ANKRD12: variants seen among roughly 807,000 people sequenced by gnomAD.
ANKRD12 encodes the protein ankyrin repeat domain 12.
Under a neutral mutation model 183.4 loss-of-function variants are expected in ANKRD12, and 85 were observed. The observed-to-expected ratio is 0.46, with a 90% CI of 0.39 to 0.56. The LOEUF (loss-of-function observed/expected upper bound fraction) is 0.56. Among genes scored for constraint, ANKRD12 ranks in the 20% least tolerant of loss-of-function variants. The pLI, the probability that ANKRD12 is intolerant of heterozygous loss-of-function variation, is 0.00. For missense variants in ANKRD12, 2,405 were observed against 2,357.1 expected (o/e 1.02, Z -0.42); for synonymous variants, 914 against 800.2 (o/e 1.14, Z -2.40).
intron 1 of ANKRD12, among the ~76,000 whole-genome samples, chr18:9,139,832 T>G (rs935014109): frequency 1.3e-5 from 2 of 152,236 alleles, no homozygotes; most frequent in African/African-American, 4.8e-5. Flanking sequence ...TTCATTTCCT[T>G]TATTTTTACA....
In ANKRD12 at chr18:9,192,394, C is replaced by G. The variant is rs1016708360; in HGVS notation, c.88-3157C>G. Among the ~76,000 whole-genome samples, 17 of 152,122 alleles carry G rather than the reference C, an allele frequency of 1.1e-4. No individual in the cohort carries two copies. In the East Asian group the frequency reaches 3.3e-3, roughly 29 times the overall value. ...CTGTCCTTGCATTCTCTAGATGAGC[C>G]CTGCTTGATTATAATATATTCTAAG... On this transcript the variant is annotated intron_variant, in intron 2 of 12. Coordinates refer to ENST00000262126, the MANE Select transcript of ANKRD12 (RefSeq NM_015208.5).
chr18:9,148,199 C>T (rs1486247795), intron 1 of ANKRD12, among the ~76,000 whole-genome samples: 3 of 152,138 alleles, frequency 2.0e-5, no homozygotes, highest in Non-Finnish European at 4.4e-5. Context: ...GGTCAGTAAA[C>T]TCAGCAACTC....
chr18:9,241,768 A>G (rs970393369), intron 8 of ANKRD12, among the ~76,000 whole-genome samples: 1 of 152,122 alleles, frequency 6.6e-6, no homozygotes, highest in Admixed American at 6.6e-5. Flanking sequence ...AGTTTTTTAA[A>G]CTTTTTAAAT....
intron 1 of ANKRD12, among the ~76,000 whole-genome samples, chr18:9,168,144 A>G (rs1488359173): frequency 6.6e-6 from 1 of 152,198 alleles, no homozygotes; most frequent in Non-Finnish European, 1.5e-5. Context: ...GGATTTTTGC[A>G]TCAGTGTTCA....
Position 9,257,277 on chromosome 18 carries a change from CTG to C in ANKRD12, c.4013_4014del (p.Val1338AlafsTer5). The C allele has an allele frequency of 1.2e-6, 2 of 1,614,140 alleles. No individual in the cohort carries two copies. The highest frequency in any genetic ancestry group is 1.7e-6 in the Non-Finnish European group (2 of 1,179,980). On this transcript the variant is annotated frameshift_variant, in exon 9 of 13. Transcript: ENST00000262126. LOFTEE classifies it high-confidence loss of function. ...GAGAGCAATCAAGGTAGCTTATTAA[CTG>C]TGCCAGGAGATACTAGTCCTTCTCC... is the stretch of plus-strand genomic sequence containing the variant.
chr18:9,225,960 T>A (rs537200981), intron 8 of ANKRD12, among the ~76,000 whole-genome samples: 2 of 152,166 alleles, frequency 1.3e-5, no homozygotes, highest in South Asian at 4.1e-4. Context: ...TTTTTTGATA[T>A]GTTTTATAAG....
At chr18:9,262,514 C>T (rs1045723655) in intron 9 of ANKRD12, among the ~76,000 whole-genome samples, 15 of 151,984 alleles carry the variant, frequency 9.9e-5, no homozygotes, top group Admixed American at 9.8e-4. Flanking sequence ...GGCTGGAGTG[C>T]AGTGGTGCAA....
chr18:9,216,388 G>A lies in ANKRD12; in HGVS notation c.653-370G>A, dbSNP rs1255066875. Among the ~76,000 whole-genome samples, 3 of 152,128 alleles carry A rather than the reference G, an allele frequency of 2.0e-5. No homozygotes were observed. The East Asian group carries it at 5.8e-4, about 29-fold the overall frequency. ...ATTTTTCTCTAGCTTTATTGTAAGA[G>A]TACAGTATATAATACATACACAAAG... On this transcript the variant is annotated intron_variant, in intron 6 of 12. Coordinates refer to ENST00000262126, the MANE Select transcript of ANKRD12 (RefSeq NM_015208.5).
intron 1 of ANKRD12, among the ~76,000 whole-genome samples, chr18:9,152,168 T>C (rs1159246591): frequency 2.0e-5 from 3 of 152,208 alleles, no homozygotes; most frequent in Non-Finnish European, 4.4e-5. Flanking sequence ...TGCCCCCTTC[T>C]TTTTCAAATA....
At chr18:9,157,525 A>T (rs2143696937) in intron 1 of ANKRD12, among the ~76,000 whole-genome samples, 1 of 148,848 alleles carries the variant, frequency 6.7e-6, no homozygotes, top group Non-Finnish European at 1.5e-5. Flanking sequence ...ATATAGTTAA[A>T]ATGGTAAATT....
At chr18:9,223,503 A>G (rs2036539948) in intron 8 of ANKRD12, among the ~76,000 whole-genome samples, 1 of 152,184 alleles carries the variant, frequency 6.6e-6, no homozygotes. Context: ...CAAAGTAAGA[A>G]TTTCAGTATT....
At chr18:9,147,886 A>G (rs747644122) in intron 1 of ANKRD12, among the ~76,000 whole-genome samples, 3 of 152,180 alleles carry the variant, frequency 2.0e-5, no homozygotes, top group Admixed American at 2.0e-4. Flanking sequence ...ACTCTGTGAA[A>G]TTTTACTTGG....
chr18:9,181,878 G>A (rs1380173990), intron 1 of ANKRD12, among the ~76,000 whole-genome samples: 1 of 152,004 alleles, frequency 6.6e-6, no homozygotes, highest in Admixed American at 6.6e-5. Flanking sequence ...ATATCAGTGA[G>A]TAGTTTGATA....
intron 8 of ANKRD12, chr18:9,235,931 A>T (rs528027359): frequency 4.5e-6 from 1 of 222,740 alleles, no homozygotes; most frequent in East Asian, 9.7e-5. Flanking sequence ...GGCATATATA[A>T]TATCTAGATA....
At chr18:9,170,378 A>G (rs1251033334) in intron 1 of ANKRD12, among the ~76,000 whole-genome samples, 1 of 152,182 alleles carries the variant, frequency 6.6e-6, no homozygotes, top group Admixed American at 6.5e-5. Flanking sequence ...GTCTTTTCAC[A>G]AAGTCCCATA....
chr18:9,233,466 G>GT (rs2037170341), intron 8 of ANKRD12, among the ~76,000 whole-genome samples: 1 of 152,034 alleles, frequency 6.6e-6, no homozygotes, highest in South Asian at 2.1e-4. Flanking sequence ...CTGTGGGGGT[G>GT]TCATATTTCC....
chr18:9,251,203 T>C lies in ANKRD12; in HGVS notation c.944-3008T>C, dbSNP rs572222318. Among the ~76,000 whole-genome samples, 166 of 152,326 alleles carry C rather than the reference T, an allele frequency of 1.1e-3. 2 individuals carry two copies. The highest frequency in any genetic ancestry group is 3.8e-3 in the African/African-American group (159 of 41,578). On this transcript the variant is annotated intron_variant, in intron 8 of 12. Transcript: ENST00000262126. ...TCAACACCTCTCTGCCTATTATTTT[T>C]TAAGAGATTTTGAGGGAGGGATTTC...
At chr18:9,154,912 G>A (rs928815642) in intron 1 of ANKRD12, among the ~76,000 whole-genome samples, 1 of 152,146 alleles carries the variant, frequency 6.6e-6, no homozygotes, top group Admixed American at 6.5e-5. Context: ...TGTCAAGTGG[G>A]TATTTACATA....
intron 1 of ANKRD12, among the ~76,000 whole-genome samples, chr18:9,169,655 A>C (rs1393615088): frequency 1.3e-5 from 2 of 152,024 alleles, no homozygotes; most frequent in African/African-American, 4.8e-5. Flanking sequence ...ATAGGTCTTG[A>C]CTCTTTATCC....
Sources: gnomAD v4.1 joint callset for allele counts (sites outside exome capture counted in the v4.1 genomes callset) on GRCh38, gnomAD v4.1.1 for gene constraint, MANE v1.5 for transcripts, NCBI Gene and HGNC (gene_info 2026-07-23, HGNC 2026-07-21) for gene names.